EMID1: variants seen among roughly 807,000 people sequenced by gnomAD.
The protein encoded by EMID1 is EMI domain-containing protein 1.
EMID1 carries 40 observed loss-of-function variants against 60.6 expected under a neutral mutation model. The ratio of observed to expected loss-of-function variants is 0.66; its 90% CI spans 0.51 to 0.86. The LOEUF is 0.86. EMID1 is among the 40% of genes least tolerant of loss of function. The probability of loss-of-function intolerance (pLI) is 0.00; values close to 1 mark genes in which losing one functional copy is unlikely to be tolerated. For missense variants in EMID1, 585 were observed against 597.1 expected (o/e 0.98, Z 0.21); for synonymous variants, 242 against 231.0 (o/e 1.05, Z -0.43).
chr22:29,245,297 C>T (rs766953547), intron 13 of EMID1, among the ~76,000 whole-genome samples: 3 of 152,220 alleles, frequency 2.0e-5, no homozygotes, highest in Non-Finnish European at 4.4e-5. Flanking sequence ...TTACTGGCCT[C>T]TCCCAGAGGC....
rs1243009875 is a variant in EMID1, at chr22:29,249,464, G to A, written c.1120-4739G>A. 4.0e-5 allele frequency among the ~76,000 whole-genome samples: 6 copies of A among 151,886 alleles called. No individual in the cohort carries two copies. In the East Asian group the frequency reaches 1.2e-3, roughly 29 times the overall value. ...ATTTTTGTACTTTTAGTAAAGACAGGGTTTCACCATGTTGGCCAGGCTGAT... is the reference window on the plus strand; with the variant it reads ...ATTTTTGTACTTTTAGTAAAGACAGAGTTTCACCATGTTGGCCAGGCTGAT... On this transcript the variant is annotated intron_variant, in intron 13 of 14. Coordinates refer to ENST00000334018, the MANE Select transcript of EMID1 (RefSeq NM_133455.4).
At chr22:29,257,760 T>C (rs894686971) in intron 14 of EMID1, among the ~76,000 whole-genome samples, 1 of 152,262 alleles carries the variant, frequency 6.6e-6, no homozygotes, top group Non-Finnish European at 1.5e-5. Context: ...GGGACTATTA[T>C]GCCCACGTTC....
chr22:29,209,029 C>T (rs1361962452), intron 1 of EMID1, among the ~76,000 whole-genome samples: 4 of 152,212 alleles, frequency 2.6e-5, no homozygotes, highest in Non-Finnish European at 5.9e-5. Flanking sequence ...GCCCCTACTG[C>T]GGGGCTCTGG....
rs1224115607 is a variant in EMID1 at position 29,215,637 on chromosome 22, C to G, written c.319+7C>G. 4.3e-6 allele frequency: 7 copies of G among 1,613,066 alleles called. No individual in the cohort carries two copies. Among genetic ancestry groups the G allele is most frequent in the Non-Finnish European group, 5.9e-6 (7 of 1,179,284 alleles). On this transcript the variant is annotated splice_region_variant and intron_variant, in intron 3 of 14. Coordinates refer to ENST00000334018, the MANE Select transcript of EMID1 (RefSeq NM_133455.4). ...GGAGTGAGCTGCGAGGAAGGTAGGACTGCCCGGCCGGCTCCCGGAGCCCTG... is the reference window on the plus strand; with the variant it reads ...GGAGTGAGCTGCGAGGAAGGTAGGAGTGCCCGGCCGGCTCCCGGAGCCCTG...
intron 13 of EMID1, among the ~76,000 whole-genome samples, chr22:29,246,388 T>C (rs571318590): frequency 6.6e-6 from 1 of 152,304 alleles, no homozygotes; most frequent in South Asian, 2.1e-4. Context: ...ATCCCTCTGA[T>C]TGCCATGGCG....
At chr22:29,228,947 T>C (rs1568984738) in intron 5 of EMID1, among the ~76,000 whole-genome samples, 1 of 151,944 alleles carries the variant, frequency 6.6e-6, no homozygotes, top group African/African-American at 2.4e-5. Context: ...ATAGAGAAAT[T>C]TGAAAACCAG....
chr22:29,229,489 C>A (rs2040649336), intron 5 of EMID1, among the ~76,000 whole-genome samples: 2 of 151,828 alleles, frequency 1.3e-5, no homozygotes, highest in African/African-American at 4.8e-5. Flanking sequence ...ACTAAAAGTA[C>A]AAAATTAGCC....
chr22:29,224,654 C>T lies in EMID1; in HGVS notation c.320-479C>T, dbSNP rs1006533978. 3.9e-5 allele frequency among the ~76,000 whole-genome samples: 6 copies of T among 152,254 alleles called. No individual in the cohort carries two copies. The South Asian group carries it at 1.2e-3, about 31-fold the overall frequency. ...AGCCACGGCGGCCATTTATTGAGCA[C>T]CTACTGTGTGTGCCAGTCCCTGTGT... On this transcript the variant is annotated intron_variant, in intron 3 of 14. Transcript: ENST00000334018.
At chr22:29,245,821 C>T (rs1169711367) in intron 13 of EMID1, among the ~76,000 whole-genome samples, 1 of 152,142 alleles carries the variant, frequency 6.6e-6, no homozygotes, top group South Asian at 2.1e-4. Flanking sequence ...AACTGAGGCC[C>T]GACTCGGCAG....
rs2058073044 is a variant in EMID1, at chr22:29,259,069, G to A, written c.*125G>A. On this transcript the variant is annotated 3_prime_UTR_variant, in exon 15 of 15. Coordinates refer to ENST00000334018, the MANE Select transcript of EMID1 (RefSeq NM_133455.4). The stretch of plus-strand genomic sequence containing the variant: ...CCTCAGGGTCCCTTCTGCCATCTAG[G>A]CCTTAGGGGTAAGCAGGTCTCAGTC... 1 of 1,425,152 alleles carries A rather than the reference G, an allele frequency of 7.0e-7. No homozygotes were observed. Among genetic ancestry groups the A allele is most frequent in the African/African-American group, 1.5e-5 (1 of 68,674 alleles). The allele number at this position is 1,425,152 out of a possible 1,614,324, so 88.3% of individuals were successfully genotyped here. A position where few individuals can be genotyped will look rare whatever the true frequency, so the allele number is the denominator to read the frequency against.
At chr22:29,215,659 C>T (rs1428163052) in intron 3 of EMID1, 29 bp downstream of exon 3, 1 of 1,590,618 alleles carries the variant, frequency 6.3e-7, no homozygotes, top group African/African-American at 1.3e-5. Context: ...CTCCCGGAGC[C>T]CTGCGACAGC....
intron 14 of EMID1, among the ~76,000 whole-genome samples, chr22:29,256,347 C>G (rs142239726): frequency 2.4e-3 from 364 of 151,818 alleles, no homozygotes; most frequent in African/African-American, 8.2e-3. Flanking sequence ...CACCCGTAAT[C>G]CCAGCTACTC....
At chr22:29,246,956 C>G (rs889862418) in intron 13 of EMID1, among the ~76,000 whole-genome samples, 1 of 151,160 alleles carries the variant, frequency 6.6e-6, no homozygotes, top group Non-Finnish European at 1.5e-5. Flanking sequence ...CCTGGCCTCC[C>G]CAATATTTTT....
intron 3 of EMID1, among the ~76,000 whole-genome samples, chr22:29,217,328 C>T (rs1255488396): frequency 1.3e-5 from 2 of 152,216 alleles, no homozygotes; most frequent in African/African-American, 4.8e-5. Flanking sequence ...GGGGCATGAG[C>T]CAGGCAATGG....
At chr22:29,214,292 C>T (rs973329501) in intron 1 of EMID1, among the ~76,000 whole-genome samples, 4 of 151,990 alleles carry the variant, frequency 2.6e-5, no homozygotes, top group Admixed American at 6.6e-5. Flanking sequence ...CAGAACTGCT[C>T]GGGTCAGGGT....
chr22:29,256,770 T>C (rs902067177), intron 14 of EMID1, among the ~76,000 whole-genome samples: 8 of 152,100 alleles, frequency 5.3e-5, no homozygotes, highest in Non-Finnish European at 1.0e-4. Context: ...CGTTGCGTCC[T>C]GGAAGATCCC....
intron 3 of EMID1, among the ~76,000 whole-genome samples, chr22:29,222,604 A>G (rs910844305): frequency 2.0e-5 from 3 of 151,368 alleles, no homozygotes; most frequent in African/African-American, 7.3e-5. Flanking sequence ...GGGTTTTGCC[A>G]TGTTGGCCAG....
At chr22:29,226,374 G>C in intron 4 of EMID1, 116 bp from the exon 5 acceptor site, 1 of 1,163,776 alleles carries the variant, frequency 8.6e-7, no homozygotes, top group Non-Finnish European at 1.2e-6. Context: ...GTCCCTCGTG[G>C]GTTGGGGTCA....
intron 13 of EMID1, among the ~76,000 whole-genome samples, chr22:29,245,567 C>G (rs1416253594): frequency 6.6e-6 from 1 of 152,110 alleles, no homozygotes; most frequent in African/African-American, 2.4e-5. Context: ...CTGCATGAAG[C>G]TTTGGGGGCT....
Sources: allele counts gnomAD v4.1 joint callset (sites outside exome capture counted in the v4.1 genomes callset), GRCh38; gene constraint gnomAD v4.1.1; transcripts MANE v1.5; gene names NCBI Gene and HGNC (gene_info 2026-07-23, HGNC 2026-07-21).